The following RAPGEF1 variants were observed in gnomAD, a reference collection of about 807,000 sequenced individuals.
RAPGEF1 encodes Rap guanine nucleotide exchange factor 1, also known as CRK SH3-binding GNRP.
Under a neutral mutation model 143.3 loss-of-function variants are expected in RAPGEF1, and 33 were observed. The observed-to-expected ratio is 0.23, with a 90% confidence interval of 0.17 to 0.31. RAPGEF1 has a LOEUF of 0.31. RAPGEF1 is among the 10% of genes least tolerant of loss of function. RAPGEF1 has a pLI of 1.00. For missense variants in RAPGEF1, 1,199 were observed against 1,645.4 expected (o/e 0.73, Z 4.69); for synonymous variants, 629 against 676.5 (o/e 0.93, Z 1.09).
At chr9:131,688,526 T>C (rs1157919123) in intron 1 of RAPGEF1, among the ~76,000 whole-genome samples, 1 of 152,242 alleles carries the variant, frequency 6.6e-6, no homozygotes, top group African/African-American at 2.4e-5. Flanking sequence ...TTTGAAACTC[T>C]GTAAGAAATT....
chr9:131,710,658 G>C (rs1292478309), intron 1 of RAPGEF1, among the ~76,000 whole-genome samples: 1 of 152,118 alleles, frequency 6.6e-6, no homozygotes, highest in Non-Finnish European at 1.5e-5. Context: ...GGAGGCTGAG[G>C]TGTGTGGATC....
chr9:131,739,567 G>C (rs1448975292), intron 1 of RAPGEF1, among the ~76,000 whole-genome samples: 1 of 150,196 alleles, frequency 6.7e-6, no homozygotes, highest in Non-Finnish European at 1.5e-5. Context: ...TGGCGCCCCC[G>C]CAGCGGCCGC....
chr9:131,726,726 G>C (rs1388586939), intron 1 of RAPGEF1, among the ~76,000 whole-genome samples: 2 of 152,138 alleles, frequency 1.3e-5, no homozygotes, highest in African/African-American at 4.8e-5. Flanking sequence ...CAGGGTGATG[G>C]AATTGGCCTG....
At position 131,592,119 on chromosome 9, in the gene RAPGEF1, G is replaced by A. The variant is rs1345400415; in HGVS notation, c.2754C>T (p.Leu918=). The A allele has an allele frequency of 5.0e-6, 8 of 1,611,654 alleles. No homozygotes were observed. The highest frequency in any genetic ancestry group is 6.8e-6 in the Non-Finnish European group (8 of 1,177,882). Residue 918 remains leucine (L), a synonymous_variant, in exon 18 of 27, where the codon CTC becomes CTT. Coordinates refer to ENST00000683357, the MANE Select transcript of RAPGEF1 (RefSeq NM_001377935.1). The part of the protein sequence containing the change: ...TYRTFISPEE[L]IKKLQYRYEK... ...GATATCTGTACTGCAGCTTCTTGAT[G>A]AGCTCCTCTGGGGAGATGAAGGTCC...
intron 3 of RAPGEF1, among the ~76,000 whole-genome samples, chr9:131,649,200 ATTTTTTTTTTTT>A (rs55813422): frequency 4.0e-4 from 35 of 87,250 alleles, no homozygotes; most frequent in African/African-American, 1.3e-3. Flanking sequence ...GCCTGGCTAA[ATTTTTTTTTTTT>A]TTTTTTTTTT....
intron 9 of RAPGEF1, among the ~76,000 whole-genome samples, chr9:131,626,931 T>C (rs1204431206): frequency 5.3e-5 from 8 of 152,056 alleles, no homozygotes; most frequent in African/African-American, 1.7e-4. Context: ...CAAAACCCCG[T>C]CTCTACTAAA....
rs762978323 is a variant in RAPGEF1, at chr9:131,708,517, G to C, written c.61+31253C>G. Among the ~76,000 whole-genome samples, 48 of 152,204 alleles carry C rather than the reference G, an allele frequency of 3.2e-4. 1 individual carries two copies. Among genetic ancestry groups the C allele is most frequent in the Non-Finnish European group, 1.0e-4 (7 of 68,036 alleles). On this transcript the variant is annotated intron_variant, in intron 1 of 26. Coordinates refer to ENST00000683357, the MANE Select transcript of RAPGEF1 (RefSeq NM_001377935.1). ...AGCTGACATGACCCCAAGCCCTAGA[G>C]AGACAGAGTAGGTGTTAAGAGAGGC...
At chr9:131,618,643 A>G (rs1199308012) in intron 12 of RAPGEF1, among the ~76,000 whole-genome samples, 2 of 152,054 alleles carry the variant, frequency 1.3e-5, no homozygotes, top group African/African-American at 2.4e-5. Context: ...TGAACTCTGG[A>G]GTTCAGGTGA....
intron 1 of RAPGEF1, among the ~76,000 whole-genome samples, chr9:131,698,441 C>A (rs1449351981): frequency 6.6e-6 from 1 of 152,228 alleles, no homozygotes; most frequent in Non-Finnish European, 1.5e-5. Flanking sequence ...AATCATACTA[C>A]CTACCCCAAA....
chr9:131,712,743 C>A (rs542666587), intron 1 of RAPGEF1, among the ~76,000 whole-genome samples: 2 of 152,106 alleles, frequency 1.3e-5, no homozygotes, highest in African/African-American at 4.8e-5. Context: ...TACTGATGAA[C>A]CTTTAGAATG....
chr9:131,625,965 G>A lies in RAPGEF1; in HGVS notation c.1659C>T (p.Asp553=), dbSNP rs768955871. The A allele has an allele frequency of 6.3e-7, 1 of 1,593,218 alleles. No homozygotes were observed. Among genetic ancestry groups the A allele is most frequent in the Admixed American group, 1.7e-5 (1 of 59,220 alleles). ...GDFTAPESTG[D]PEKPPPLPEK... ...CTGGTAGAGGAGGTGGTTTTTCTGGGTCACCGGTTGACTCAGGAGCAGTAA... is the reference window on the plus strand; with the variant it reads ...CTGGTAGAGGAGGTGGTTTTTCTGGATCACCGGTTGACTCAGGAGCAGTAA... Residue 553 remains aspartate, a synonymous_variant, in exon 10 of 27, where the codon GAC becomes GAT. Coordinates refer to ENST00000683357, the MANE Select transcript of RAPGEF1 (RefSeq NM_001377935.1).
At chr9:131,668,884 T>G (rs1033475628) in intron 1 of RAPGEF1, among the ~76,000 whole-genome samples, 5 of 152,248 alleles carry the variant, frequency 3.3e-5, no homozygotes, top group Non-Finnish European at 5.9e-5. Context: ...CTTTGTCTTT[T>G]AGGTGGAGTT....
At chr9:131,689,000 G>T (rs1833579590) in intron 1 of RAPGEF1, among the ~76,000 whole-genome samples, 1 of 152,182 alleles carries the variant, frequency 6.6e-6, no homozygotes, top group Non-Finnish European at 1.5e-5. Context: ...ACAAATAATG[G>T]TGTTTAATTT....
At chr9:131,657,171 A>T (rs1472146603) in intron 1 of RAPGEF1, among the ~76,000 whole-genome samples, 1 of 152,158 alleles carries the variant, frequency 6.6e-6, no homozygotes, top group Non-Finnish European at 1.5e-5. Flanking sequence ...CAGGGTGGGG[A>T]GGAAACGACA....
chr9:131,659,637 T>C (rs529340691), intron 1 of RAPGEF1, among the ~76,000 whole-genome samples: 1 of 152,250 alleles, frequency 6.6e-6, no homozygotes, highest in African/African-American at 2.4e-5. Context: ...CCTCAGGTAA[T>C]TGTGGAGATT....
At chr9:131,693,362 T>C (rs573181149) in intron 1 of RAPGEF1, among the ~76,000 whole-genome samples, 6 of 152,162 alleles carry the variant, frequency 3.9e-5, no homozygotes, top group Non-Finnish European at 7.3e-5. Flanking sequence ...ATATGCCCAA[T>C]AGACCAAACC....
intron 22 of RAPGEF1, 96 bp downstream of exon 22, chr9:131,587,640 C>T: frequency 8.8e-7 from 1 of 1,137,252 alleles, no homozygotes; most frequent in Non-Finnish European, 1.3e-6. Flanking sequence ...GCAGCTCCTT[C>T]TCCTACCATT....
At chr9:131,643,447 GGAGA>G (rs1460382542) in intron 3 of RAPGEF1, 30 bp from the exon 4 acceptor site, 1 of 1,583,624 alleles carries the variant, frequency 6.3e-7, no homozygotes, top group African/African-American at 1.4e-5. Context: ...ATAAGGAGGA[GGAGA>G]GAGATTAAAG....
In RAPGEF1 at chr9:131,579,467, G is replaced by T. The variant is rs747159156; in HGVS notation, c.*30C>A. On this transcript the variant is annotated 3_prime_UTR_variant, in exon 27 of 27. Coordinates refer to ENST00000683357, the MANE Select transcript of RAPGEF1 (RefSeq NM_001377935.1). ...CTGGGAGCTGCCCTCTGCGCCCCTC[G>T]AGCATTCTCCTGGATCCCGGCGTCT... The T allele has an allele frequency of 1.2e-6, 2 of 1,610,358 alleles. No individual in the cohort carries two copies. The highest frequency in any genetic ancestry group is 2.2e-5 in the South Asian group (2 of 90,804).
Sources: gnomAD v4.1 joint callset for allele counts (sites outside exome capture counted in the v4.1 genomes callset) on GRCh38, gnomAD v4.1.1 for gene constraint, MANE v1.5 for transcripts, NCBI Gene and HGNC (gene_info 2026-07-23, HGNC 2026-07-21) for gene names.